Variants in SH3RF3 observed in about 807,000 individuals in gnomAD.
SH3RF3 encodes SH3 domain containing ring finger 3, also known as E3 ubiquitin-protein ligase SH3RF3.
SH3RF3 carries 29 observed loss-of-function variants against 66.3 expected under a neutral mutation model. The ratio of observed to expected loss-of-function variants is 0.44; its 90% CI spans 0.33 to 0.60. The LOEUF (loss-of-function observed/expected upper bound fraction) is 0.60. Ranked by LOEUF, SH3RF3 falls within the 20% of genes least tolerant of loss-of-function variation. The pLI, the probability that SH3RF3 is intolerant of heterozygous loss-of-function variation, is 0.04. For synonymous variants in SH3RF3, 583 were observed against 532.0 expected, an observed-to-expected ratio of 1.10 and a Z score of -1.32; for missense variants, 1,194 against 1,190.9, an observed-to-expected ratio of 1.00 and a Z score of -0.04.
chr2:109,296,297 G>C (rs879549336), intron 1 of SH3RF3, among the ~76,000 whole-genome samples: 7 of 151,824 alleles, frequency 4.6e-5, no homozygotes, highest in Admixed American at 1.3e-4. Context: ...GTGCTATCTC[G>C]GCTCACTGCA....
At chr2:109,199,587 T>TCAATC in intron 1 of SH3RF3, among the ~76,000 whole-genome samples, 1 of 978 alleles carries the variant, frequency 1.0e-3, no homozygotes. Flanking sequence ...TGGAATGGAA[T>TCAATC]GGAATGGAAT....
chr2:109,152,590 T>C, intron 1 of SH3RF3, among the ~76,000 whole-genome samples: 1 of 152,252 alleles, frequency 6.6e-6, no homozygotes, highest in East Asian at 1.9e-4. Flanking sequence ...TTACATTGTG[T>C]ATTATCAGAT....
chr2:109,184,113 G>T (rs1021441019), intron 1 of SH3RF3, among the ~76,000 whole-genome samples: 5 of 152,178 alleles, frequency 3.3e-5, no homozygotes, highest in Admixed American at 2.6e-4. Context: ...CATGTGCTTC[G>T]TAGTCTCCTG....
At chr2:109,184,249 G>C (rs1275899010) in intron 1 of SH3RF3, among the ~76,000 whole-genome samples, 2 of 152,332 alleles carry the variant, frequency 1.3e-5, no homozygotes, top group East Asian at 3.9e-4. Context: ...TTCTTGGATA[G>C]GTGACTGGTC....
chr2:109,130,963 G>A (rs1176337651), intron 1 of SH3RF3, among the ~76,000 whole-genome samples: 3 of 152,070 alleles, frequency 2.0e-5, no homozygotes, highest in Admixed American at 6.6e-5. Context: ...GAAAAGAAAG[G>A]ACCCGGGTTT....
chr2:109,421,536 G>T (rs1379676752), intron 5 of SH3RF3, among the ~76,000 whole-genome samples: 1 of 152,196 alleles, frequency 6.6e-6, no homozygotes, highest in Non-Finnish European at 1.5e-5. Flanking sequence ...AAACCTCCAT[G>T]TCCTGGATGG....
chr2:109,440,161 A>G (rs1049772821), intron 7 of SH3RF3, among the ~76,000 whole-genome samples: 7 of 152,334 alleles, frequency 4.6e-5, no homozygotes, highest in Middle Eastern at 3.4e-3. Flanking sequence ...AAGCAAAGCT[A>G]TGGAAGAAGG....
chr2:109,462,169 A>T (rs114250471), intron 8 of SH3RF3, among the ~76,000 whole-genome samples: 319 of 149,738 alleles, frequency 2.1e-3, no homozygotes, highest in African/African-American at 7.4e-3. Flanking sequence ...AAGGCCATCA[A>T]TGTCATGGGC....
At chr2:109,325,005 G>A (rs1014938501) in intron 1 of SH3RF3, among the ~76,000 whole-genome samples, 1 of 152,002 alleles carries the variant, frequency 6.6e-6, no homozygotes, top group Admixed American at 6.6e-5. Flanking sequence ...TCTGGGAGAG[G>A]CCTTTGGCTT....
intron 3 of SH3RF3, among the ~76,000 whole-genome samples, chr2:109,383,948 T>C (rs72943381): frequency 0.07 from 10,725 of 152,172 alleles, 948 homozygotes; most frequent in African/African-American, 0.21. Flanking sequence ...CTGATGACAG[T>C]CTAGAGGCTT....
intron 5 of SH3RF3, among the ~76,000 whole-genome samples, chr2:109,432,131 C>T (rs981717448): frequency 5.9e-5 from 9 of 152,192 alleles, no homozygotes; most frequent in Non-Finnish European, 8.8e-5. Flanking sequence ...AAGAGGAAAA[C>T]ACTGGAAATC....
At chr2:109,137,365 C>T (rs1676837660) in intron 1 of SH3RF3, among the ~76,000 whole-genome samples, 1 of 152,210 alleles carries the variant, frequency 6.6e-6, no homozygotes, top group South Asian at 2.1e-4. Flanking sequence ...TGGAGGCTTT[C>T]TGAGAGCAGC....
chr2:109,296,645 C>T (rs576727720), intron 1 of SH3RF3, among the ~76,000 whole-genome samples: 3 of 152,304 alleles, frequency 2.0e-5, no homozygotes, highest in African/African-American at 7.2e-5. Flanking sequence ...GGGCCCTGCA[C>T]CATCTGTTCT....
At chr2:109,408,851 C>T (rs903616695) in intron 4 of SH3RF3, among the ~76,000 whole-genome samples, 3 of 152,194 alleles carry the variant, frequency 2.0e-5, no homozygotes, top group South Asian at 2.1e-4. Context: ...CTGATGGGTG[C>T]GCACAGGGAG....
chr2:109,353,452 A>G (rs1354131605), intron 2 of SH3RF3, among the ~76,000 whole-genome samples: 3 of 152,198 alleles, frequency 2.0e-5, no homozygotes, highest in African/African-American at 7.2e-5. Context: ...AGGTGTTCAT[A>G]GTCACGTGAC....
In SH3RF3 at chr2:109,183,248, G is replaced by T. The variant is rs528905066; in HGVS notation, c.573+53135G>T. Among the ~76,000 whole-genome samples, 18 of 152,320 alleles carry T rather than the reference G, an allele frequency of 1.2e-4. No individual in the cohort carries two copies. The South Asian group carries it at 3.7e-3, about 32-fold the overall frequency. On this transcript the variant is annotated intron_variant, in intron 1 of 9. Transcript: ENST00000309415. ...CTGATTCTCAAAAAGCACATCCTGAGATGACTATCAGTTGAGTTAGTTTCA... is the reference window on the plus strand; with the variant it reads ...CTGATTCTCAAAAAGCACATCCTGATATGACTATCAGTTGAGTTAGTTTCA...
At chr2:109,205,853 G>C (rs1475537215) in intron 1 of SH3RF3, among the ~76,000 whole-genome samples, 3 of 152,206 alleles carry the variant, frequency 2.0e-5, no homozygotes, top group Admixed American at 2.0e-4. Context: ...TAAAGTTGGA[G>C]TTTTCTCCTT....
At chr2:109,289,866 C>A (rs1211073921) in intron 1 of SH3RF3, among the ~76,000 whole-genome samples, 1 of 152,192 alleles carries the variant, frequency 6.6e-6, no homozygotes, top group East Asian at 1.9e-4. Flanking sequence ...TATTGTGTAT[C>A]GCATTGCGGG....
At chr2:109,347,620 T>G in intron 1 of SH3RF3, 54 bp from the exon 2 acceptor site, 5 of 1,583,646 alleles carry the variant, frequency 3.2e-6, no homozygotes, top group Non-Finnish European at 4.3e-6. Flanking sequence ...AGATCCACTG[T>G]GGGGCATTGG....
Sources: allele counts gnomAD v4.1 joint callset (sites outside exome capture counted in the v4.1 genomes callset), GRCh38; gene constraint gnomAD v4.1.1; transcripts MANE v1.5; gene names NCBI Gene and HGNC (gene_info 2026-07-23, HGNC 2026-07-21).